The following PPP1R13B variants were observed in gnomAD, a reference collection of about 807,000 sequenced individuals.
The protein encoded by PPP1R13B is protein phosphatase 1 regulatory subunit 13B.
A neutral mutation model predicts 119.8 loss-of-function variants in PPP1R13B; 44 were observed. That is an observed-to-expected ratio of 0.37 (90% CI 0.29 to 0.47). PPP1R13B has a LOEUF of 0.47. Among genes scored for constraint, PPP1R13B ranks in the 20% least tolerant of loss-of-function variants. The probability of loss-of-function intolerance (pLI) is 0.99; values close to 1 mark genes in which losing one functional copy is unlikely to be tolerated. For synonymous variants in PPP1R13B, 542 were observed against 561.5 expected (o/e 0.97, Z 0.49); for missense variants, 1,227 against 1,413.5 (o/e 0.87, Z 2.12).
chr14:103,847,572 G>A lies in PPP1R13B; in HGVS notation c.-265C>T, dbSNP rs528861090. 4.2e-5 allele frequency: 41 copies of A among 984,512 alleles called. No individual in the cohort carries two copies. The highest frequency in any genetic ancestry group is 4.9e-5 in the Non-Finnish European group (41 of 830,000). 61.0% of individuals were successfully genotyped at this position (984,512 alleles called of 1,614,324 possible). Reference sequence around the variant, plus strand: ...CCTCAGCCTCAGCCCCAGCCCGACAGCCTGCGGCCCGCCCGCCCGGCTCGC... The same window carrying A: ...CCTCAGCCTCAGCCCCAGCCCGACAACCTGCGGCCCGCCCGCCCGGCTCGC... On this transcript the variant is annotated 5_prime_UTR_variant, in exon 1 of 17. Transcript: ENST00000202556.
intron 8 of PPP1R13B, among the ~76,000 whole-genome samples, chr14:103,748,351 G>C (rs917425504): frequency 7.2e-5 from 11 of 152,158 alleles, no homozygotes; most frequent in African/African-American, 2.7e-4. Context: ...ATTTGTAAAT[G>C]AGAGACTGTG....
chr14:103,798,541 A>G (rs2085817146), intron 1 of PPP1R13B, among the ~76,000 whole-genome samples: 1 of 152,076 alleles, frequency 6.6e-6, no homozygotes, highest in African/African-American at 2.4e-5. Flanking sequence ...CAATACATAA[A>G]GCGCTCCTAA....
chr14:103,821,747 A>G (rs2152069577), intron 1 of PPP1R13B, among the ~76,000 whole-genome samples: 1 of 152,060 alleles, frequency 6.6e-6, no homozygotes, highest in East Asian at 1.9e-4. Context: ...GCAAAATTCC[A>G]CCTCAAAAAA....
At chr14:103,835,765 T>C (rs944289418) in intron 1 of PPP1R13B, among the ~76,000 whole-genome samples, 54 of 146,758 alleles carry the variant, frequency 3.7e-4, no homozygotes, top group African/African-American at 1.2e-3. Context: ...CCCGCCACCA[T>C]GCCCAGCTAA....
intron 7 of PPP1R13B, among the ~76,000 whole-genome samples, chr14:103,752,595 C>T (rs915731002): frequency 6.4e-5 from 9 of 140,092 alleles, no homozygotes; most frequent in East Asian, 6.3e-4. Context: ...AGTGCAGTGG[C>T]GCAATCTTGG....
At chr14:103,820,080 C>T (rs1277084401) in intron 1 of PPP1R13B, among the ~76,000 whole-genome samples, 1 of 152,048 alleles carries the variant, frequency 6.6e-6, no homozygotes, top group Non-Finnish European at 1.5e-5. Context: ...GAGCTTAAAA[C>T]AAAAACAAGG....
rs755619625 is a variant in PPP1R13B, at chr14:103,827,206, C to G, written c.9+20093G>C. On this transcript the variant is annotated intron_variant, in intron 1 of 16. Coordinates refer to ENST00000202556, the MANE Select transcript of PPP1R13B (RefSeq NM_015316.3). Reference sequence around the variant, plus strand: ...AGGTGTGGTGGCAGGTGTGGTGGCACGCACCTGTAGTCCCAGCTACTCAGG... The same window carrying G: ...AGGTGTGGTGGCAGGTGTGGTGGCAGGCACCTGTAGTCCCAGCTACTCAGG... Among the ~76,000 whole-genome samples, 16 of 147,990 alleles carry G rather than the reference C, an allele frequency of 1.1e-4. No individual in the cohort carries two copies. The Admixed American group carries it at 1.1e-3, about 10-fold the overall frequency.
At position 103,739,904 on chromosome 14, in the gene PPP1R13B, C is replaced by A; in HGVS notation, c.2512G>T (p.Ala838Ser). 1 of 1,614,032 alleles carries A rather than the reference C, an allele frequency of 6.2e-7. No individual in the cohort carries two copies. Among genetic ancestry groups the A allele is most frequent in the South Asian group, 1.1e-5 (1 of 91,082 alleles). The change falls in exon 12 of 17, where the codon GCT becomes TCT. Residue 838 changes from alanine (A) to serine (S), a missense_variant. By Grantham distance (99) the Ala-to-Ser change is moderately conservative (BLOSUM62 1). Coordinates refer to ENST00000202556, the MANE Select transcript of PPP1R13B (RefSeq NM_015316.3). ...PTTEQIPSPV[A>S]EAPSPGEEQV... Reference sequence around the variant, plus strand: ...TCTTCCCCTGGAGATGGGGCCTCAGCCACAGGACTCGGGATCTGCTCCGTG... The same window carrying A: ...TCTTCCCCTGGAGATGGGGCCTCAGACACAGGACTCGGGATCTGCTCCGTG...
intron 16 of PPP1R13B, 94 bp downstream of exon 16, chr14:103,735,909 G>A (rs952406645): frequency 1.7e-4 from 242 of 1,390,546 alleles, no homozygotes; most frequent in Middle Eastern, 2.5e-4. Context: ...TCAGAGAAGC[G>A]AAGCCTCCCT....
At chr14:103,795,183 C>T (rs944188805) in intron 2 of PPP1R13B, among the ~76,000 whole-genome samples, 1 of 152,152 alleles carries the variant, frequency 6.6e-6, no homozygotes, top group African/African-American at 2.4e-5. Flanking sequence ...AGTGATCCAC[C>T]CGCCTTGGCC....
chr14:103,760,322 T>G (rs1335692162), intron 4 of PPP1R13B, among the ~76,000 whole-genome samples: 1 of 152,204 alleles, frequency 6.6e-6, no homozygotes, highest in Non-Finnish European at 1.5e-5. Context: ...CAAACTCAAT[T>G]TATTCAAACA....
chr14:103,799,610 G>GT (rs1282112848), intron 1 of PPP1R13B, among the ~76,000 whole-genome samples: 30 of 114,598 alleles, frequency 2.6e-4, no homozygotes, highest in East Asian at 4.7e-4. Flanking sequence ...ACTGTGCCGG[G>GT]TTTTTTGTTT....
chr14:103,813,495 C>T (rs900535133), intron 1 of PPP1R13B, among the ~76,000 whole-genome samples: 1 of 152,086 alleles, frequency 6.6e-6, no homozygotes, highest in Non-Finnish European at 1.5e-5. Context: ...CGTGATAATG[C>T]GTGAGTCTCA....
chr14:103,778,262 A>G (rs1211938407), intron 4 of PPP1R13B, among the ~76,000 whole-genome samples: 1 of 104,014 alleles, frequency 9.6e-6, no homozygotes, highest in East Asian at 2.7e-4. Flanking sequence ...GCCACATCTG[A>G]CTTTTTTTTT....
At chr14:103,785,016 A>AGACATACATG in intron 2 of PPP1R13B, 102 bp from the exon 3 acceptor site, 1 of 996,598 alleles carries the variant, frequency 1.0e-6, no homozygotes, top group Non-Finnish European at 1.4e-6. Flanking sequence ...GCACACATGT[A>AGACATACATG]TGTCTACATG....
At position 103,735,193 on chromosome 14, in the gene PPP1R13B, C is replaced by T. The variant is rs568267703; in HGVS notation, c.3234G>A (p.Leu1078=). The change falls in exon 17 of 17, where the codon CTG becomes CTA. Residue 1078 remains leucine, a splice_region_variant and synonymous_variant. Coordinates refer to ENST00000202556, the MANE Select transcript of PPP1R13B (RefSeq NM_015316.3). ...GCTGTCGGGGTTTGATCCGTGGATA[C>T]AGCTGGGAAGCAACGGAGCCGCGTC... ...EGYVPKNLLG[L]YPRIKPRQRT... 28 of 1,614,078 alleles carry T rather than the reference C, an allele frequency of 1.7e-5. No individual in the cohort carries two copies. The East Asian group carries it at 5.1e-4, about 30-fold the overall frequency.
Position 103,738,608 on chromosome 14 carries a change from G to C in PPP1R13B, c.2864+71C>G, listed in dbSNP as rs1468650267. 1.3e-6 allele frequency: 2 copies of C among 1,591,418 alleles called. No individual in the cohort carries two copies. The highest frequency in any genetic ancestry group is 1.1e-5 in the South Asian group (1 of 87,978). ...CTCTTCCGTGCTTCCTAATTGTCTA[G>C]AACACGCCTGTTTTCCTTATGCAAA... On this transcript the variant is annotated intron_variant, in intron 14 of 16. Coordinates refer to ENST00000202556, the MANE Select transcript of PPP1R13B (RefSeq NM_015316.3). This position sits in a 1 kb window ranked among gnomAD's most constrained non-coding sequence, Gnocchi z 5.6.
At chr14:103,758,458 G>A (rs2084728646) in intron 4 of PPP1R13B, among the ~76,000 whole-genome samples, 1 of 152,208 alleles carries the variant, frequency 6.6e-6, no homozygotes, top group African/African-American at 2.4e-5. Flanking sequence ...GTCAGCTTGC[G>A]AGGCAAAGCA....
At chr14:103,827,691 T>A (rs1234840072) in intron 1 of PPP1R13B, among the ~76,000 whole-genome samples, 1 of 148,648 alleles carries the variant, frequency 6.7e-6, no homozygotes, top group African/African-American at 2.5e-5. Flanking sequence ...ATATACTATA[T>A]CATTAACCAT....
Sources: allele counts gnomAD v4.1 joint callset (sites outside exome capture counted in the v4.1 genomes callset), GRCh38; gene constraint gnomAD v4.1.1; non-coding constraint Gnocchi (gnomAD v3.1); transcripts MANE v1.5; gene names NCBI Gene and HGNC (gene_info 2026-07-23, HGNC 2026-07-21).